ANXA3: variants seen among roughly 807,000 people sequenced by gnomAD.
The protein encoded by ANXA3 is annexin A3.
A neutral mutation model predicts 48.8 loss-of-function variants in ANXA3; 46 were observed. The ratio of observed to expected loss-of-function variants is 0.94; its 90% CI spans 0.74 to 1.21. ANXA3 has a LOEUF of 1.21. Among genes scored for constraint, ANXA3 ranks in the 50% most tolerant of loss-of-function variants. The probability of loss-of-function intolerance (pLI) is 0.00; values close to 1 mark genes in which losing one functional copy is unlikely to be tolerated. For synonymous variants in ANXA3, 128 were observed against 134.7 expected, an observed-to-expected ratio of 0.95 and a Z score of 0.35; for missense variants, 383 against 378.6, an observed-to-expected ratio of 1.01 and a Z score of -0.10.
At chr4:78,574,108 T>A (rs546101970) in intron 3 of ANXA3, among the ~76,000 whole-genome samples, 2 of 152,308 alleles carry the variant, frequency 1.3e-5, no homozygotes, top group Non-Finnish European at 2.9e-5. Flanking sequence ...ATAATTATCA[T>A]AATAAATCAT....
At chr4:78,586,238 T>C in intron 5 of ANXA3, 22 bp from the exon 6 acceptor site, 1 of 1,596,764 alleles carries the variant, frequency 6.3e-7, no homozygotes, top group African/African-American at 1.3e-5. Context: ...TTCTAAAAAT[T>C]AGATTTTCTT....
At chr4:78,557,547 G>T (rs563148658) in intron 2 of ANXA3, among the ~76,000 whole-genome samples, 1 of 152,296 alleles carries the variant, frequency 6.6e-6, no homozygotes, top group African/African-American at 2.4e-5. Context: ...CTACATCAGG[G>T]ATGGTAGCAT....
At chr4:78,555,167 T>C (rs1722484841) in intron 2 of ANXA3, among the ~76,000 whole-genome samples, 1 of 152,172 alleles carries the variant, frequency 6.6e-6, no homozygotes, top group Non-Finnish European at 1.5e-5. Flanking sequence ...ATCATGCCAC[T>C]GCACTCCAGC....
chr4:78,557,689 CTTTTTTT>C (rs71216222), intron 2 of ANXA3, among the ~76,000 whole-genome samples: 5 of 144,320 alleles, frequency 3.5e-5, no homozygotes, highest in African/African-American at 7.7e-5. Context: ...CTGGGTTTTT[CTTTTTTT>C]TTTTTTTTTT....
intron 12 of ANXA3, among the ~76,000 whole-genome samples, chr4:78,606,184 C>A (rs1225479119): frequency 1.3e-5 from 2 of 152,208 alleles, no homozygotes; most frequent in African/African-American, 4.8e-5. Flanking sequence ...TTTGCTACTC[C>A]ATCTACCCTT....
At chr4:78,595,319 G>T in intron 7 of ANXA3, 62 bp from the exon 8 acceptor site, 1 of 1,559,016 alleles carries the variant, frequency 6.4e-7, no homozygotes, top group Non-Finnish European at 8.8e-7. Flanking sequence ...GCTGGTTGAA[G>T]TACTATGTGT....
intron 1 of ANXA3, among the ~76,000 whole-genome samples, chr4:78,552,647 A>C (rs989797596): frequency 6.6e-6 from 1 of 152,212 alleles, no homozygotes; most frequent in Non-Finnish European, 1.5e-5. Context: ...CTGATACGAA[A>C]TTGCATAGCC....
chr4:78,578,679 G>A (rs887080812), intron 3 of ANXA3, among the ~76,000 whole-genome samples: 4 of 152,142 alleles, frequency 2.6e-5, no homozygotes, highest in Middle Eastern at 3.4e-3. Flanking sequence ...ATGGGAGAGA[G>A]ATAAAAGGCA....
intron 4 of ANXA3, among the ~76,000 whole-genome samples, chr4:78,580,335 G>T (rs2109936436): frequency 6.6e-6 from 1 of 152,262 alleles, no homozygotes; most frequent in South Asian, 2.1e-4. Flanking sequence ...AAGCCCTGAA[G>T]CAAAAAGAAA....
At chr4:78,584,374 G>A (rs991244890) in intron 5 of ANXA3, among the ~76,000 whole-genome samples, 2 of 151,764 alleles carry the variant, frequency 1.3e-5, no homozygotes, top group African/African-American at 4.8e-5. Context: ...ACAGGGTCTT[G>A]CTATGTCACC....
intron 1 of ANXA3, among the ~76,000 whole-genome samples, chr4:78,553,152 G>A (rs541148290): frequency 4.0e-4 from 61 of 152,302 alleles, no homozygotes; most frequent in Non-Finnish European, 7.8e-4. Context: ...GAAGCATGGG[G>A]GTTAGGTTCA....
intron 2 of ANXA3, among the ~76,000 whole-genome samples, chr4:78,554,858 T>C (rs960968936): frequency 2.6e-5 from 4 of 152,208 alleles, no homozygotes; most frequent in Non-Finnish European, 4.4e-5. Flanking sequence ...TATTCCTTTT[T>C]CTCCTTACAA....
At chr4:78,552,939 A>G (rs186333741) in intron 1 of ANXA3, among the ~76,000 whole-genome samples, 1 of 152,370 alleles carries the variant, frequency 6.6e-6, no homozygotes, top group African/African-American at 2.4e-5. Flanking sequence ...AGGAAGTAAA[A>G]GGAAATGATG....
Position 78,582,245 on chromosome 4 carries a change from T to C in ANXA3, c.267T>C (p.Thr89=). ...HFEHLMVALV[T]PPAVFDAKQL... is the part of the protein sequence containing the mutation. ...AGCATCTCATGGTGGCCCTAGTGACTCCACCAGCAGTCTTTGATGCAAAGC... is the reference window on the plus strand; with the variant it reads ...AGCATCTCATGGTGGCCCTAGTGACCCCACCAGCAGTCTTTGATGCAAAGC... The change falls in exon 5 of 13, where the codon ACT becomes ACC. Residue 89 remains threonine, a synonymous_variant. Coordinates refer to ENST00000264908, the MANE Select transcript of ANXA3 (RefSeq NM_005139.3). 6.2e-7 allele frequency: 1 copy of C among 1,613,750 alleles called. No individual in the cohort carries two copies. Among genetic ancestry groups the C allele is most frequent in the Non-Finnish European group, 8.5e-7 (1 of 1,179,684 alleles).
intron 10 of ANXA3, among the ~76,000 whole-genome samples, chr4:78,598,344 T>G (rs1196401615): frequency 6.6e-6 from 1 of 151,410 alleles, no homozygotes; most frequent in Non-Finnish European, 1.5e-5. Context: ...CAGACTAGAG[T>G]GCAGTGGCAC....
rs372535300 is a variant in ANXA3 at position 78,601,282 on chromosome 4, C to T, written c.731-228C>T. Among the ~76,000 whole-genome samples, 4 of 152,222 alleles carry T rather than the reference C, an allele frequency of 2.6e-5. No individual in the cohort carries two copies. The East Asian group carries it at 5.8e-4, about 22-fold the overall frequency. ...TCTTTGGCAGGTAATTTTATTTTCC[C>T]CATGGCTGGAGATAATTACTGTGCT... On this transcript the variant is annotated intron_variant, in intron 10 of 12. Transcript: ENST00000264908.
intron 4 of ANXA3, among the ~76,000 whole-genome samples, chr4:78,579,844 G>T (rs1019223696): frequency 2.6e-5 from 4 of 152,198 alleles, no homozygotes; most frequent in African/African-American, 9.6e-5. Context: ...GCTGAGGCAG[G>T]AGAATTGCTT....
intron 3 of ANXA3, 51 bp from the exon 4 acceptor site, chr4:78,578,976 A>G (rs768307138): frequency 7.8e-7 from 1 of 1,289,568 alleles, no homozygotes; most frequent in Admixed American, 1.7e-5. Context: ...CTTTTGTTCA[A>G]GACAAATGTT....
At chr4:78,574,441 A>G (rs1722907496) in intron 3 of ANXA3, among the ~76,000 whole-genome samples, 1 of 152,074 alleles carries the variant, frequency 6.6e-6, no homozygotes, top group Admixed American at 6.6e-5. Flanking sequence ...AACAACAACA[A>G]AAAAACCCAA....
Sources: allele counts gnomAD v4.1 joint callset (sites outside exome capture counted in the v4.1 genomes callset), GRCh38; gene constraint gnomAD v4.1.1; transcripts MANE v1.5; gene names NCBI Gene and HGNC (gene_info 2026-07-23, HGNC 2026-07-21).